The following SOX5 variants were observed in gnomAD, a reference collection of about 807,000 sequenced individuals.
SOX5 encodes the protein transcription factor SOX-5.
SOX5 carries 9 observed loss-of-function variants against 92.0 expected under a neutral mutation model. The observed-to-expected ratio is 0.10, with a 90% confidence interval of 0.06 to 0.17. The LOEUF is 0.17. Among genes scored for constraint, SOX5 ranks in the 10% least tolerant of loss-of-function variants. SOX5 has a pLI of 1.00. For synonymous variants in SOX5, 344 were observed against 336.3 expected (o/e 1.02, Z -0.25); for missense variants, 642 against 944.5 (o/e 0.68, Z 4.20).
chr12:24,306,605 A>T (rs965668470), intron 2 of SOX5, among the ~76,000 whole-genome samples: 5 of 152,178 alleles, frequency 3.3e-5, no homozygotes, highest in African/African-American at 1.2e-4. Flanking sequence ...GCAAGGAGAA[A>T]GACAAAGAAT....
intron 6 of SOX5, among the ~76,000 whole-genome samples, chr12:23,707,915 T>C (rs1186856635): frequency 6.6e-6 from 1 of 152,134 alleles, no homozygotes; most frequent in African/African-American, 2.4e-5. Context: ...TAACCTTTTC[T>C]AGGTCGGAAA....
intron 4 of SOX5, among the ~76,000 whole-genome samples, chr12:24,027,081 A>G (rs1315932531): frequency 1.3e-5 from 2 of 151,976 alleles, no homozygotes; most frequent in South Asian, 2.1e-4. Context: ...CACTATTTAC[A>G]TATTTCTTTC....
chr12:24,412,608 G>A (rs1247606787), intron 1 of SOX5, among the ~76,000 whole-genome samples: 1 of 151,650 alleles, frequency 6.6e-6, no homozygotes, highest in Admixed American at 6.6e-5. Context: ...TTCTGTTATT[G>A]ATTTCTAATT....
At chr12:23,729,411 T>C (rs1348650500) in intron 6 of SOX5, among the ~76,000 whole-genome samples, 1 of 152,098 alleles carries the variant, frequency 6.6e-6, no homozygotes, top group Non-Finnish European at 1.5e-5. Context: ...TACAGGTAAA[T>C]ATAATCCTAC....
chr12:24,556,524 G>C (rs181585366), intron 1 of SOX5, among the ~76,000 whole-genome samples: 1 of 152,092 alleles, frequency 6.6e-6, no homozygotes, highest in Non-Finnish European at 1.5e-5. Flanking sequence ...TTTTCCACAC[G>C]GACTTTCTGT....
intron 4 of SOX5, among the ~76,000 whole-genome samples, chr12:24,040,459 C>A (rs951993145): frequency 2.0e-5 from 3 of 152,090 alleles, no homozygotes; most frequent in Non-Finnish European, 4.4e-5. Context: ...AGACAAAATG[C>A]CCTTGTGGTT....
chr12:24,269,326 A>T (rs549894281), intron 3 of SOX5, among the ~76,000 whole-genome samples: 1 of 152,376 alleles, frequency 6.6e-6, no homozygotes. Context: ...AAATAACTAT[A>T]AATGCAGTGA....
At chr12:23,601,009 C>T (rs1380616708) in intron 9 of SOX5, among the ~76,000 whole-genome samples, 1 of 152,000 alleles carries the variant, frequency 6.6e-6, no homozygotes, top group African/African-American at 2.4e-5. Flanking sequence ...AACTGAACTC[C>T]GCCAGATTTC....
intron 1 of SOX5, among the ~76,000 whole-genome samples, chr12:23,923,730 C>T (rs1452587277): frequency 1.3e-5 from 2 of 152,100 alleles, no homozygotes; most frequent in African/African-American, 2.4e-5. Flanking sequence ...GTTTTATATC[C>T]TGTATCTGAG....
chr12:23,621,729 G>C (rs1433329897), intron 8 of SOX5, among the ~76,000 whole-genome samples: 1 of 152,124 alleles, frequency 6.6e-6, no homozygotes, highest in Non-Finnish European at 1.5e-5. Context: ...AAGAGTACCA[G>C]ATCCTAAATC....
intron 1 of SOX5, among the ~76,000 whole-genome samples, chr12:23,942,054 G>A (rs761833599): frequency 2.6e-4 from 40 of 151,626 alleles, no homozygotes; most frequent in Non-Finnish European, 5.2e-4. Context: ...AGGAAGAATT[G>A]TAGGCAAACA....
At chr12:24,007,793 GCACACACACACACA>G (rs66700500) in intron 4 of SOX5, among the ~76,000 whole-genome samples, 1 of 34,810 alleles carries the variant, frequency 2.9e-5, no homozygotes, top group African/African-American at 7.8e-5. Flanking sequence ...ACATACGCAC[GCACACACACACACA>G]CACACACACA....
intron 3 of SOX5, among the ~76,000 whole-genome samples, chr12:24,256,280 A>G (rs1226161737): frequency 6.6e-6 from 1 of 152,270 alleles, no homozygotes; most frequent in African/African-American, 2.4e-5. Context: ...TTGAAGTGTT[A>G]GACACCTTTT....
chr12:24,456,633 A>T (rs1187032335), intron 1 of SOX5, among the ~76,000 whole-genome samples: 1 of 152,214 alleles, frequency 6.6e-6, no homozygotes, highest in Non-Finnish European at 1.5e-5. Context: ...CAGTTAGGTC[A>T]TGTGGGAACT....
intron 3 of SOX5, among the ~76,000 whole-genome samples, chr12:24,244,855 C>G (rs1011224200): frequency 2.6e-5 from 4 of 152,138 alleles, no homozygotes; most frequent in African/African-American, 9.7e-5. Context: ...CCACACCTGG[C>G]TAATTTTGTA....
chr12:24,055,426 A>G (rs1168852405), intron 4 of SOX5, among the ~76,000 whole-genome samples: 1 of 152,238 alleles, frequency 6.6e-6, no homozygotes, highest in African/African-American at 2.4e-5. Flanking sequence ...TCATACCTCA[A>G]ATTAAAAATC....
At chr12:23,683,809 C>T (rs769448612) in intron 6 of SOX5, among the ~76,000 whole-genome samples, 46 of 151,922 alleles carry the variant, frequency 3.0e-4, no homozygotes, top group Non-Finnish European at 5.9e-5. Context: ...CTGCACTAAC[C>T]CTAACACCCC....
intron 2 of SOX5, among the ~76,000 whole-genome samples, chr12:24,354,563 G>T (rs1208946045): frequency 6.6e-6 from 1 of 152,252 alleles, no homozygotes; most frequent in East Asian, 1.9e-4. Context: ...AAAGACTCTT[G>T]ACTGGGAGGA....
intron 2 of SOX5, among the ~76,000 whole-genome samples, chr12:24,328,031 T>C (rs1196532783): frequency 1.3e-5 from 2 of 152,146 alleles, no homozygotes; most frequent in African/African-American, 2.4e-5. Flanking sequence ...GAACTAGAAC[T>C]CGGATCCTCT....
Sources: allele counts gnomAD v4.1 joint callset (sites outside exome capture counted in the v4.1 genomes callset), GRCh38; gene constraint gnomAD v4.1.1; transcripts MANE v1.5; gene names NCBI Gene and HGNC (gene_info 2026-07-23, HGNC 2026-07-21).